ASXL2: variants seen among roughly 807,000 people sequenced by gnomAD.
ASXL2 encodes the protein putative Polycomb group protein ASXL2.
A neutral mutation model predicts 122.0 loss-of-function variants in ASXL2; 23 were observed. That is an observed-to-expected ratio of 0.19 (90% CI 0.14 to 0.27). The LOEUF (loss-of-function observed/expected upper bound fraction) is 0.27, where lower values mean the gene tolerates loss of function less well. Ranked by LOEUF, ASXL2 falls within the 10% of genes least tolerant of loss-of-function variation. ASXL2 has a pLI of 1.00. For missense variants in ASXL2, 1,518 were observed against 1,713.8 expected, an observed-to-expected ratio of 0.89 and a Z score of 2.02; for synonymous variants, 650 against 637.0, an observed-to-expected ratio of 1.02 and a Z score of -0.31.
At position 25,743,149 on chromosome 2, in the gene ASXL2, T is replaced by C. The variant is rs370996900; in HGVS notation, c.3188A>G (p.Gln1063Arg). The C allele has an allele frequency of 1.5e-5, 24 of 1,613,858 alleles. No homozygotes were observed. Among genetic ancestry groups the C allele is most frequent in the Non-Finnish European group, 1.9e-5 (23 of 1,179,894 alleles). The change falls in exon 13 of 13, where the codon CAA (glutamine) becomes CGA (arginine). Residue 1063 changes from glutamine to arginine, a missense_variant. Physicochemically the swap from Gln to Arg is conservative, Grantham distance 43. Transcript: ENST00000435504. ...QYHEGLSKAT[Q>R]DQILQTLIQR... Reference sequence around the variant, plus strand: ...AATGAGAGTCTGAAGGATCTGATCTTGGGTTGCTTTACTTAGTCCTTCGTG... The same window carrying C: ...AATGAGAGTCTGAAGGATCTGATCTCGGGTTGCTTTACTTAGTCCTTCGTG...
intron 5 of ASXL2, among the ~76,000 whole-genome samples, chr2:25,773,361 C>T (rs2088487922): frequency 6.6e-6 from 1 of 151,788 alleles, no homozygotes; most frequent in Non-Finnish European, 1.5e-5. Flanking sequence ...GACAGTTCAG[C>T]TGCAAAAAGA....
chr2:25,875,307 T>C (rs890495477), intron 1 of ASXL2, among the ~76,000 whole-genome samples: 5 of 151,938 alleles, frequency 3.3e-5, no homozygotes, highest in Admixed American at 2.0e-4. Flanking sequence ...TCTACTATTA[T>C]ATAATAATTA....
At chr2:25,788,024 C>T (rs2088775955) in intron 5 of ASXL2, among the ~76,000 whole-genome samples, 1 of 152,098 alleles carries the variant, frequency 6.6e-6, no homozygotes, top group African/African-American at 2.4e-5. Context: ...CAAGGAAAGA[C>T]AAAACACAAC....
intron 6 of ASXL2, among the ~76,000 whole-genome samples, chr2:25,770,900 A>G (rs1231780131): frequency 6.6e-6 from 1 of 152,096 alleles, no homozygotes. Flanking sequence ...AAAGATTCTG[A>G]GCAAACTACG....
intron 3 of ASXL2, chr2:25,810,075 C>T (rs1036410629): frequency 1.6e-5 from 9 of 552,122 alleles, no homozygotes; most frequent in African/African-American, 1.1e-4. Context: ...CAGGTCTCTA[C>T]CTCCTTGAGT....
intron 1 of ASXL2, chr2:25,856,807 T>G (rs991446398): frequency 4.2e-5 from 49 of 1,167,448 alleles, no homozygotes; most frequent in Non-Finnish European, 6.0e-5. Flanking sequence ...TTGGTGACTG[T>G]CAGGTCATCC....
rs933488570 is a variant in ASXL2, at chr2:25,780,960, T to C, written c.404-9420A>G. ...ATAGCCTGAGGTGGTGGCGGACGCC[T>C]GTAGTCCCAGCTACTTGGGAAGCTG... On this transcript the variant is annotated intron_variant, in intron 5 of 12. Coordinates refer to ENST00000435504, the MANE Select transcript of ASXL2 (RefSeq NM_018263.6). Among the ~76,000 whole-genome samples, 3 of 150,798 alleles carry C rather than the reference T, an allele frequency of 2.0e-5. No individual in the cohort carries two copies. The South Asian group carries it at 6.3e-4, about 31-fold the overall frequency.
chr2:25,866,455 A>G (rs966002917), intron 1 of ASXL2, among the ~76,000 whole-genome samples: 4 of 152,212 alleles, frequency 2.6e-5, no homozygotes, highest in African/African-American at 9.6e-5. Flanking sequence ...GACAACTTTC[A>G]GAATCAGCAA....
chr2:25,753,429 A>T (rs2088080982), intron 11 of ASXL2, 105 bp downstream of exon 11: 1 of 747,646 alleles, frequency 1.3e-6, no homozygotes, highest in Non-Finnish European at 2.1e-6. Context: ...AACAAAACAG[A>T]AGGAAACTGG....
intron 2 of ASXL2, among the ~76,000 whole-genome samples, 167 bp from the exon 3 acceptor site, chr2:25,835,707 T>G (rs1011811377): frequency 1.3e-5 from 2 of 152,220 alleles, no homozygotes; most frequent in African/African-American, 4.8e-5. Context: ...CATTAAAATT[T>G]ATAAATTAGC....
At chr2:25,797,371 G>C (rs996324584) in intron 5 of ASXL2, among the ~76,000 whole-genome samples, 1 of 151,976 alleles carries the variant, frequency 6.6e-6, no homozygotes. Flanking sequence ...TTTGAACCCA[G>C]AAGGCGGAGG....
chr2:25,760,851 A>C (rs1054093662), intron 8 of ASXL2, among the ~76,000 whole-genome samples: 5 of 152,276 alleles, frequency 3.3e-5, no homozygotes, highest in Admixed American at 6.5e-5. Context: ...TACAGAATAC[A>C]GAATTGCTAT....
intron 3 of ASXL2, among the ~76,000 whole-genome samples, chr2:25,814,033 GAGCGAGACT>G (rs773823019): frequency 3.1e-4 from 47 of 152,082 alleles, no homozygotes; most frequent in Non-Finnish European, 5.0e-4. Context: ...CTGGGCGACA[GAGCGAGACT>G]CCGTCTCAAA....
intron 5 of ASXL2, among the ~76,000 whole-genome samples, chr2:25,786,269 T>G (rs2088744634): frequency 7.0e-6 from 1 of 142,698 alleles, no homozygotes. Context: ...TGAGATGGAG[T>G]CTTGCTCTGT....
At chr2:25,758,490 T>G (rs752965305) in intron 9 of ASXL2, among the ~76,000 whole-genome samples, 1 of 152,110 alleles carries the variant, frequency 6.6e-6, no homozygotes, top group Non-Finnish European at 1.5e-5. Context: ...AAATTGTAAT[T>G]GTTCTATCTT....
At chr2:25,872,406 T>C (rs2089969041) in intron 1 of ASXL2, among the ~76,000 whole-genome samples, 1 of 151,788 alleles carries the variant, frequency 6.6e-6, no homozygotes, top group Admixed American at 6.6e-5. Context: ...AATTAAAACT[T>C]AAATAAATTC....
At chr2:25,868,788 G>C (rs928658948) in intron 1 of ASXL2, among the ~76,000 whole-genome samples, 3 of 152,130 alleles carry the variant, frequency 2.0e-5, no homozygotes, top group Non-Finnish European at 4.4e-5. Context: ...CGGCATTTTA[G>C]GAGGCCAATA....
At chr2:25,772,868 A>G in intron 5 of ASXL2, among the ~76,000 whole-genome samples, 1 of 152,170 alleles carries the variant, frequency 6.6e-6, no homozygotes, top group East Asian at 1.9e-4. Context: ...GTCCTAAGAA[A>G]GGAATGCACA....
intron 1 of ASXL2, among the ~76,000 whole-genome samples, chr2:25,871,719 G>A (rs553196131): frequency 4.1e-4 from 63 of 152,302 alleles, no homozygotes; most frequent in African/African-American, 1.4e-3. Context: ...AGCCTCCTGA[G>A]TAGCTGAGAT....
Sources: gnomAD v4.1 joint callset for allele counts (sites outside exome capture counted in the v4.1 genomes callset) on GRCh38, gnomAD v4.1.1 for gene constraint, MANE v1.5 for transcripts, NCBI Gene and HGNC (gene_info 2026-07-23, HGNC 2026-07-21) for gene names.